PIGN: variants seen among roughly 807,000 people sequenced by gnomAD.
PIGN encodes GPI ethanolamine phosphate transferase 1.
In PIGN, 117 loss-of-function variants were observed where a neutral mutation model predicts 125.4. The observed-to-expected ratio is 0.93, with a 90% CI of 0.80 to 1.09. PIGN has a LOEUF of 1.09. PIGN is among the 50% of genes least tolerant of loss of function. The probability of loss-of-function intolerance (pLI) is 0.00; values close to 1 mark genes in which losing one functional copy is unlikely to be tolerated. For missense variants in PIGN, 1,075 were observed against 1,094.9 expected, an observed-to-expected ratio of 0.98 and a Z score of 0.26; for synonymous variants, 392 against 377.8, an observed-to-expected ratio of 1.04 and a Z score of -0.44.
chr18:62,186,683 C>G (rs2038050737), intron 1 of PIGN, among the ~76,000 whole-genome samples, 161 bp downstream of exon 1: 1 of 152,182 alleles, frequency 6.6e-6, no homozygotes, highest in Admixed American at 6.5e-5. Context: ...AGTCACATTC[C>G]GACTACAGGC....
chr18:62,036,354 C>T (rs2030260898), downstream of PIGN, among the ~76,000 whole-genome samples: 1 of 151,946 alleles, frequency 6.6e-6, no homozygotes, highest in Admixed American at 6.6e-5. Context: ...ATCCTCTTGC[C>T]TCAGCCTCCT....
chr18:62,065,427 C>A (rs1349812053), intron 30 of PIGN, among the ~76,000 whole-genome samples: 1 of 152,108 alleles, frequency 6.6e-6, no homozygotes, highest in African/African-American at 2.4e-5. Flanking sequence ...GAATAAGGGG[C>A]AGGATGAATA....
intron 14 of PIGN, among the ~76,000 whole-genome samples, chr18:62,131,869 C>A (rs1322921449): frequency 6.6e-6 from 1 of 152,040 alleles, no homozygotes; most frequent in Non-Finnish European, 1.5e-5. Flanking sequence ...GGTGAAGATA[C>A]CATTAAACTA....
At chr18:62,133,632 T>C (rs2035819338) in intron 14 of PIGN, among the ~76,000 whole-genome samples, 1 of 152,180 alleles carries the variant, frequency 6.6e-6, no homozygotes, top group Non-Finnish European at 1.5e-5. Context: ...GCCTGTTATG[T>C]CCTTAATAAA....
chr18:62,180,686 G>GGA (rs2037687010), intron 1 of PIGN, among the ~76,000 whole-genome samples: 1 of 152,036 alleles, frequency 6.6e-6, no homozygotes, highest in Non-Finnish European at 1.5e-5. Context: ...TAGGATTAGG[G>GGA]TTATTGACCT....
intron 28 of PIGN, among the ~76,000 whole-genome samples, chr18:62,080,429 A>G (rs568539291): frequency 1.3e-5 from 2 of 152,224 alleles, no homozygotes; most frequent in East Asian, 3.9e-4. Context: ...TCACACCCCC[A>G]CACCTTCCTT....
chr18:62,060,644 C>T (rs1463651444), intron 30 of PIGN, among the ~76,000 whole-genome samples: 2 of 152,048 alleles, frequency 1.3e-5, no homozygotes, highest in Non-Finnish European at 2.9e-5. Flanking sequence ...CGTTAGTTGT[C>T]ATTTGTATTT....
At chr18:62,079,341 CA>C (rs1312007377) in intron 28 of PIGN, among the ~76,000 whole-genome samples, 1 of 152,186 alleles carries the variant, frequency 6.6e-6, no homozygotes, top group African/African-American at 2.4e-5. Context: ...GCTCTGATCA[CA>C]AAATGTATCA....
chr18:62,036,546 T>C (rs1231051437), downstream of PIGN, among the ~76,000 whole-genome samples: 1 of 152,202 alleles, frequency 6.6e-6, no homozygotes, highest in Non-Finnish European at 1.5e-5. Context: ...GATATTTTAG[T>C]ACTTGAATTT....
At chr18:62,186,797 A>C (rs960617143) in intron 1 of PIGN, 47 bp downstream of exon 1, 1 of 131,944 alleles carries the variant, frequency 7.6e-6, no homozygotes, top group East Asian at 1.9e-4. Context: ...GCGCGACACC[A>C]CAGTTTGGGC....
At chr18:62,091,492 C>T (rs2033957507) in intron 23 of PIGN, among the ~76,000 whole-genome samples, 1 of 152,160 alleles carries the variant, frequency 6.6e-6, no homozygotes, top group African/African-American at 2.4e-5. Context: ...AAGGCCATTT[C>T]TAAAAATTTA....
intron 17 of PIGN, among the ~76,000 whole-genome samples, chr18:62,107,852 T>A (rs149976923): frequency 6.6e-6 from 1 of 152,294 alleles, no homozygotes; most frequent in Admixed American, 6.5e-5. Context: ...CTTAATTACA[T>A]TTTCTAACTG....
chr18:62,107,657 A>C (rs1266860851), intron 17 of PIGN: 1 of 152,474 alleles, frequency 6.6e-6, no homozygotes, highest in African/African-American at 2.4e-5. Flanking sequence ...TAATGACAAT[A>C]AATGAATCTT....
At chr18:62,109,046 A>G (rs928032741) in intron 17 of PIGN, among the ~76,000 whole-genome samples, 2 of 152,178 alleles carry the variant, frequency 1.3e-5, no homozygotes, top group Non-Finnish European at 2.9e-5. Context: ...TCATTCTTTC[A>G]TTGACTTTAG....
chr18:62,080,245 T>C (rs973463590), intron 28 of PIGN, among the ~76,000 whole-genome samples: 4 of 152,188 alleles, frequency 2.6e-5, no homozygotes, highest in Admixed American at 2.0e-4. Context: ...AGATCTTATA[T>C]GGTTGGTTGT....
chr18:62,020,203 G>A (rs779401066), intron 23 of PIGN, among the ~76,000 whole-genome samples: 2 of 152,190 alleles, frequency 1.3e-5, no homozygotes, highest in African/African-American at 4.8e-5. Flanking sequence ...AGCCAGAGTG[G>A]AGAAATCCCC....
intron 1 of PIGN, among the ~76,000 whole-genome samples, chr18:62,170,196 G>A (rs1368007203): frequency 2.0e-5 from 3 of 152,130 alleles, no homozygotes; most frequent in African/African-American, 7.2e-5. Flanking sequence ...ATTAGATTGT[G>A]TTCTTGTCAC....
At position 62,043,534 on chromosome 18, in the gene PIGN, C is replaced by T. The variant is rs1045756415; in HGVS notation, c.*2322G>A. The T allele has an allele frequency of 1.3e-5, 2 of 152,080 alleles. No homozygotes were observed. Among genetic ancestry groups the T allele is most frequent in the African/African-American group, 4.8e-5 (2 of 41,410 alleles). 9.4% of individuals were successfully genotyped at this position (152,080 alleles called of 1,614,324 possible). A position where few individuals can be genotyped will look rare whatever the true frequency, so the allele number is the denominator to read the frequency against. On this transcript the variant is annotated 3_prime_UTR_variant, in exon 31 of 31. Transcript: ENST00000640252. ...TAATGGATGAAGAGCTTTTCTAATT[C>T]AGCTCTATCATTAATAAATAATTAT...
intron 23 of PIGN, among the ~76,000 whole-genome samples, chr18:62,023,551 A>C (rs1229639224): frequency 6.6e-6 from 1 of 152,118 alleles, no homozygotes; most frequent in Admixed American, 6.5e-5. Flanking sequence ...TGCTTATCTG[A>C]AGCCTCTCAA....
Sources: allele counts gnomAD v4.1 joint callset (sites outside exome capture counted in the v4.1 genomes callset), GRCh38; gene constraint gnomAD v4.1.1; transcripts MANE v1.5; gene names NCBI Gene and HGNC (gene_info 2026-07-23, HGNC 2026-07-21).